EFHB: variants seen among roughly 807,000 people sequenced by gnomAD.
EFHB encodes the protein EF-hand domain family member B, also known as EF-hand domain-containing family member B.
Under a neutral mutation model 87.2 loss-of-function variants are expected in EFHB, and 91 were observed. The observed-to-expected ratio is 1.04, with a 90% CI of 0.88 to 1.24. EFHB has a LOEUF of 1.24. Among genes scored for constraint, EFHB ranks in the 50% most tolerant of loss-of-function variants. The pLI is 0.00. For synonymous variants in EFHB, 325 were observed against 333.6 expected, an observed-to-expected ratio of 0.97 and a Z score of 0.28; for missense variants, 1,084 against 998.8, an observed-to-expected ratio of 1.09 and a Z score of -1.15.
intron 1 of EFHB, among the ~76,000 whole-genome samples, chr3:19,929,067 G>C (rs1218438262): frequency 6.6e-6 from 1 of 152,038 alleles, no homozygotes; most frequent in Non-Finnish European, 1.5e-5. Context: ...AAATTATTAT[G>C]ATTTTTAAAA....
rs144398223 is a variant in EFHB at position 19,943,791 on chromosome 3, T to C, written c.-32+3128A>G. Among the ~76,000 whole-genome samples the C allele has an allele frequency of 7.0e-3, 1,073 of 152,282 alleles. 23 individuals carry two copies. Among genetic ancestry groups the C allele is most frequent in the Non-Finnish European group, 5.0e-3 (340 of 68,026 alleles). On this transcript the variant is annotated intron_variant, in intron 1 of 14. Transcript: ENST00000344838. ...CAATCACAAGCAGATGGACTGACTGTATAACCCAACCCCTATCTCATGGAG... is the reference window on the plus strand; with the variant it reads ...CAATCACAAGCAGATGGACTGACTGCATAACCCAACCCCTATCTCATGGAG...
chr3:19,943,576 A>G (rs1016242440), intron 1 of EFHB, among the ~76,000 whole-genome samples: 10 of 152,234 alleles, frequency 6.6e-5, no homozygotes, highest in Admixed American at 2.6e-4. Context: ...AAAACACAAA[A>G]TAATACAAAT....
intron 1 of EFHB, chr3:19,946,264 A>C (rs1206465798): frequency 4.6e-5 from 7 of 152,238 alleles, no homozygotes. Flanking sequence ...CCTATAAAAC[A>C]TCTACAACTA....
At chr3:19,898,655 C>T (rs1694563669) in intron 8 of EFHB, 123 bp downstream of exon 8, 1 of 974,564 alleles carries the variant, frequency 1.0e-6, no homozygotes, top group Middle Eastern at 2.1e-4. Flanking sequence ...GTTAATGCAA[C>T]ATTTTAAGTC....
intron 3 of EFHB, among the ~76,000 whole-genome samples, 186 bp from the exon 4 acceptor site, chr3:19,918,598 A>C (rs1205982255): frequency 6.6e-6 from 1 of 152,142 alleles, no homozygotes; most frequent in Admixed American, 6.6e-5. Context: ...ACACGCCTAC[A>C]AGAACTTTCT....
upstream of EFHB, chr3:19,934,246 CG>C (rs1466886915): frequency 4.2e-6 from 6 of 1,420,152 alleles, no homozygotes; most frequent in Non-Finnish European, 5.5e-6. Context: ...GAAACAGGGG[CG>C]GGGCTTGGCG....
At chr3:19,885,855 G>A (rs886816019) in intron 10 of EFHB, among the ~76,000 whole-genome samples, 1 of 152,080 alleles carries the variant, frequency 6.6e-6, no homozygotes, top group Non-Finnish European at 1.5e-5. Flanking sequence ...GACAAAGTTT[G>A]AAAAAGAATT....
intron 1 of EFHB, among the ~76,000 whole-genome samples, chr3:19,944,452 A>G (rs1409089063): frequency 6.6e-6 from 1 of 152,218 alleles, no homozygotes; most frequent in African/African-American, 2.4e-5. Context: ...ACACTAAAAT[A>G]TATACAATTA....
At chr3:19,895,116 A>G (rs1694436754) in intron 9 of EFHB, among the ~76,000 whole-genome samples, 1 of 149,506 alleles carries the variant, frequency 6.7e-6, no homozygotes, top group Admixed American at 6.7e-5. Flanking sequence ...ATATATAAGC[A>G]TATATGTATA....
chr3:19,893,602 G>A (rs1265530070), intron 9 of EFHB, among the ~76,000 whole-genome samples: 1 of 152,084 alleles, frequency 6.6e-6, no homozygotes, highest in East Asian at 1.9e-4. Flanking sequence ...TCAAACTGTT[G>A]GTGACACCTT....
intron 8 of EFHB, among the ~76,000 whole-genome samples, chr3:19,897,429 A>G (rs994020509): frequency 1.3e-5 from 2 of 151,956 alleles, no homozygotes; most frequent in Admixed American, 1.3e-4. Context: ...CACCCCAACT[A>G]GAGTTGACCA....
At chr3:19,928,413 T>G (rs2929357) in intron 1 of EFHB, among the ~76,000 whole-genome samples, 98,235 of 152,058 alleles carry the variant, frequency 0.65, 32,288 homozygotes, top group African/African-American at 0.73. Flanking sequence ...TGAAACATTA[T>G]AATCATTCCC....
intron 1 of EFHB, among the ~76,000 whole-genome samples, chr3:19,921,566 T>C (rs1220329100): frequency 6.6e-6 from 1 of 152,022 alleles, no homozygotes; most frequent in South Asian, 2.1e-4. Flanking sequence ...GTCCAAGGTC[T>C]AGCAACAGGG....
intron 9 of EFHB, among the ~76,000 whole-genome samples, chr3:19,892,119 G>A (rs1694326611): frequency 1.3e-5 from 2 of 152,152 alleles, no homozygotes; most frequent in South Asian, 4.1e-4. Flanking sequence ...CAACAGTAGG[G>A]CCCATAAAGT....
intron 12 of EFHB, among the ~76,000 whole-genome samples, chr3:19,880,229 CATTTATTT>C (rs59492875): frequency 0.025 from 3,721 of 147,570 alleles, 169 homozygotes; most frequent in African/African-American, 0.088. Flanking sequence ...ACATTAGTTT[CATTTATTT>C]ATTTATTTAT....
intron 5 of EFHB, among the ~76,000 whole-genome samples, chr3:19,911,996 A>C (rs1471735869): frequency 6.6e-6 from 1 of 151,952 alleles, no homozygotes; most frequent in Admixed American, 6.6e-5. Flanking sequence ...TATTGCCCTT[A>C]AGGAGAAAAT....
rs552608297 is a variant in EFHB, at chr3:19,909,959, G to A, written c.1289-4210C>T. 4.6e-5 allele frequency among the ~76,000 whole-genome samples: 7 copies of A among 152,240 alleles called. No individual in the cohort carries two copies. The East Asian group carries it at 1.4e-3, about 30-fold the overall frequency. On this transcript the variant is annotated intron_variant, in intron 5 of 12. Coordinates refer to ENST00000295824, the MANE Select transcript of EFHB (RefSeq NM_144715.4). Reference sequence around the variant, plus strand: ...ACCAGCTGCAGTTATTCAGGGCCCAGGTAGTATATCAAGGGCCTTGGGTAA... The same window carrying A: ...ACCAGCTGCAGTTATTCAGGGCCCAAGTAGTATATCAAGGGCCTTGGGTAA...
chr3:19,907,506 T>C (rs897056803), intron 5 of EFHB, among the ~76,000 whole-genome samples: 5 of 152,192 alleles, frequency 3.3e-5, no homozygotes, highest in African/African-American at 1.2e-4. Flanking sequence ...CTTTCCACTA[T>C]GCTAAGATTT....
At chr3:19,918,917 T>TTA (rs1230450050) in intron 3 of EFHB, among the ~76,000 whole-genome samples, 1 of 145,202 alleles carries the variant, frequency 6.9e-6, no homozygotes, top group Non-Finnish European at 1.5e-5. Flanking sequence ...TAAGTGGAGG[T>TTA]TATAGTGAGC....
Sources: allele counts gnomAD v4.1 joint callset (sites outside exome capture counted in the v4.1 genomes callset), GRCh38; gene constraint gnomAD v4.1.1; transcripts MANE v1.5; gene names NCBI Gene and HGNC (gene_info 2026-07-23, HGNC 2026-07-21).